The following TEX11 variants were observed in gnomAD, a reference collection of about 807,000 sequenced individuals.
TEX11 encodes the protein testis expressed 11.
A neutral mutation model predicts 84.4 loss-of-function variants in TEX11; 7 were observed. The observed-to-expected ratio is 0.08, with a 90% CI of 0.05 to 0.16. The LOEUF is 0.16. Among genes scored for constraint, TEX11 ranks in the 10% least tolerant of loss-of-function variants. The pLI is 1.00. For synonymous variants in TEX11, 264 were observed against 222.8 expected (o/e 1.18, Z -1.64); for missense variants, 551 against 660.5 (o/e 0.83, Z 1.82).
intron 14 of TEX11, 88 bp from the exon 15 acceptor site, chrX:70,678,977 C>G (rs2090102417): frequency 1.2e-5 from 8 of 694,386 alleles, no homozygotes; most frequent in Middle Eastern, 1.0e-3. Context: ...TCCCCACGGT[C>G]TCCCTCTCCC....
chrX:70,598,361 A>G (rs1341965080), intron 24 of TEX11, among the ~76,000 whole-genome samples: 1 of 111,761 alleles, frequency 8.9e-6, no homozygotes, highest in African/African-American at 3.3e-5. Flanking sequence ...AAGATATAAT[A>G]ACAAGTGGTG....
At position 70,539,038 on chromosome X, in the gene TEX11, A is replaced by ATATATTTTT; in HGVS notation, c.2521-9040_2521-9039insAAAAATATA. On this transcript the variant is annotated intron_variant, in intron 28 of 29. Transcript: ENST00000374333. Reference sequence around the variant, plus strand: ...CTTGGAAATATATATATATATATATATTTTTTTTTTTTTTAAGATGGAGTC... The same window carrying ATATATTTTT: ...CTTGGAAATATATATATATATATATATATATTTTTTTTTTTTTTTTTTTAAGATGGAGTC... 3.9e-3 allele frequency among the ~76,000 whole-genome samples: 159 copies of ATATATTTTT among 41,241 alleles called. 4 individuals carry two copies. Among genetic ancestry groups the ATATATTTTT allele is most frequent in the African/African-American group, 0.013 (144 of 10,886 alleles). 35.8% of individuals were successfully genotyped at this position (41,241 alleles called of 115,157 possible). A position where few individuals can be genotyped will look rare whatever the true frequency, so the allele number is the denominator to read the frequency against.
intron 9 of TEX11, among the ~76,000 whole-genome samples, chrX:70,758,655 A>G (rs775708551): frequency 1.2e-4 from 13 of 112,358 alleles, no homozygotes; most frequent in Non-Finnish European, 2.3e-4. Flanking sequence ...AAATGCCCAC[A>G]AGAAAAAGCA....
At chrX:70,652,456 G>A (rs919346199) in intron 16 of TEX11, among the ~76,000 whole-genome samples, 3 of 111,440 alleles carry the variant, frequency 2.7e-5, no homozygotes, top group African/African-American at 9.8e-5. Flanking sequence ...ATGAAAAACT[G>A]GTTATAAAAC....
intron 13 of TEX11, among the ~76,000 whole-genome samples, chrX:70,704,389 G>T (rs141920151): frequency 2.7e-5 from 3 of 111,315 alleles, no homozygotes; most frequent in African/African-American, 9.8e-5. Context: ...CAGTGTATTT[G>T]TGAAAGGTTA....
chrX:70,645,732 A>C (rs2089733760), intron 17 of TEX11, among the ~76,000 whole-genome samples: 1 of 111,537 alleles, frequency 9.0e-6, no homozygotes, highest in Non-Finnish European at 1.9e-5. Flanking sequence ...AGTGAAAGAC[A>C]TGTACACTAA....
At chrX:70,827,869 C>G (rs57442658) in intron 8 of TEX11, among the ~76,000 whole-genome samples, 2,288 of 111,901 alleles carry the variant, frequency 0.02, 57 homozygotes, top group African/African-American at 0.07. Context: ...GGCTTCAAGT[C>G]TGACACAGCA....
chrX:70,897,728 AAAG>A (rs2091781108), intron 2 of TEX11: 9 of 100,281 alleles, frequency 9.0e-5, no homozygotes. Context: ...AGAAAGAAAG[AAAG>A]AAAGAAAAGA....
chrX:70,524,432 C>G (rs145623122), downstream of TEX11, among the ~76,000 whole-genome samples: 132 of 112,789 alleles, frequency 1.2e-3, no homozygotes, highest in Non-Finnish European at 1.5e-3. Flanking sequence ...AGCTGGCATG[C>G]TGATCAAATG....
At chrX:70,539,038 A>ATATATATATTTTTTTTTTTT in intron 28 of TEX11, among the ~76,000 whole-genome samples, 1 of 41,255 alleles carries the variant, frequency 2.4e-5, no homozygotes, top group East Asian at 1.1e-3. Flanking sequence ...ATATATATAT[A>ATATATATATTTTTTTTTTTT]TTTTTTTTTT....
intron 5 of TEX11, among the ~76,000 whole-genome samples, chrX:70,858,768 T>A (rs932408813): frequency 1.8e-5 from 2 of 111,987 alleles, no homozygotes; most frequent in African/African-American, 6.5e-5. Context: ...CCAGGCGCGG[T>A]GGCTCATGCC....
intron 8 of TEX11, among the ~76,000 whole-genome samples, chrX:70,832,340 A>G (rs1192366483): frequency 1.8e-5 from 2 of 112,268 alleles, no homozygotes; most frequent in Non-Finnish European, 3.8e-5. Context: ...TTCTAGATTG[A>G]AACCATTTTC....
chrX:70,569,759 C>T (rs1038820898), intron 25 of TEX11, among the ~76,000 whole-genome samples: 13 of 111,159 alleles, frequency 1.2e-4, no homozygotes, highest in African/African-American at 2.9e-4. Context: ...CTGATCGTTC[C>T]GCTGGAAGTT....
chrX:70,729,795 G>A (rs1280426054), intron 11 of TEX11, among the ~76,000 whole-genome samples: 1 of 110,998 alleles, frequency 9.0e-6, no homozygotes, highest in Non-Finnish European at 1.9e-5. Flanking sequence ...TTCAGATTCA[G>A]GAAATACAGA....
chrX:70,552,314 T>G, intron 27 of TEX11, 68 bp from the exon 28 acceptor site: 3 of 1,152,604 alleles, frequency 2.6e-6, no homozygotes, highest in Non-Finnish European at 2.3e-6. Flanking sequence ...CTAAGATAAG[T>G]AAAACCTGGA....
chrX:70,717,255 A>T (rs1203283095), intron 13 of TEX11, among the ~76,000 whole-genome samples: 1 of 110,772 alleles, frequency 9.0e-6, no homozygotes, highest in Non-Finnish European at 1.9e-5. Flanking sequence ...ATCAAGATGG[A>T]TCATCAGAAA....
intron 11 of TEX11, among the ~76,000 whole-genome samples, chrX:70,731,219 C>T (rs1222881118): frequency 9.0e-6 from 1 of 111,621 alleles, no homozygotes; most frequent in Non-Finnish European, 1.9e-5. Context: ...CCAAAATTGA[C>T]ACCCTAGCAT....
At chrX:70,708,826 A>G (rs1415233657) in intron 13 of TEX11, among the ~76,000 whole-genome samples, 1 of 110,055 alleles carries the variant, frequency 9.1e-6, no homozygotes, top group Non-Finnish European at 1.9e-5. Flanking sequence ...TGTGGGTTGA[A>G]AAACTACCTA....
intron 9 of TEX11, among the ~76,000 whole-genome samples, chrX:70,755,497 A>G (rs1259325377): frequency 3.6e-5 from 4 of 111,993 alleles, no homozygotes; most frequent in African/African-American, 1.3e-4. Context: ...AGAAAAGAAT[A>G]AAAAACAATG....
Sources: allele counts gnomAD v4.1 joint callset (sites outside exome capture counted in the v4.1 genomes callset), GRCh38; gene constraint gnomAD v4.1.1; transcripts MANE v1.5; gene names NCBI Gene and HGNC (gene_info 2026-07-23, HGNC 2026-07-21).